CD300LG: variants seen among roughly 807,000 people sequenced by gnomAD.
The protein encoded by CD300LG is CD300 molecule like family member g.
A neutral mutation model predicts 31.5 loss-of-function variants in CD300LG; 29 were observed. The observed-to-expected ratio is 0.92, with a 90% CI of 0.68 to 1.25. The LOEUF is 1.25. Among genes scored for constraint, CD300LG ranks in the 50% most tolerant of loss-of-function variants. The pLI, the probability that CD300LG is intolerant of heterozygous loss-of-function variation, is 0.00. For synonymous variants in CD300LG, 175 were observed against 177.2 expected, an observed-to-expected ratio of 0.99 and a Z score of 0.10; for missense variants, 396 against 417.6, an observed-to-expected ratio of 0.95 and a Z score of 0.45.
intron 6 of CD300LG, 53 bp from the exon 7 acceptor site, chr17:43,861,745 T>G: frequency 3.1e-6 from 4 of 1,271,998 alleles, no homozygotes; most frequent in Non-Finnish European, 4.3e-6. Context: ...CCCTCACACC[T>G]CCCACCCCTT....
chr17:43,851,506 G>A (rs760287891), intron 2 of CD300LG, among the ~76,000 whole-genome samples: 10 of 152,172 alleles, frequency 6.6e-5, no homozygotes, highest in Non-Finnish European at 8.8e-5. Flanking sequence ...GAAAGAGGGA[G>A]AGTCCAGGAT....
At chr17:43,851,126 T>A (rs1399237813) in intron 2 of CD300LG, among the ~76,000 whole-genome samples, 1 of 102,710 alleles carries the variant, frequency 9.7e-6, no homozygotes, top group Non-Finnish European at 1.7e-5. Context: ...AGAGCCAGAC[T>A]CAGTCTCAAA....
At chr17:43,851,484 G>A (rs899838289) in intron 2 of CD300LG, among the ~76,000 whole-genome samples, 9 of 152,106 alleles carry the variant, frequency 5.9e-5, no homozygotes, top group African/African-American at 2.2e-4. Flanking sequence ...CTGTAGAAGA[G>A]AAAGTGGTGG....
chr17:43,852,051 C>T (rs1447815296), intron 2 of CD300LG, among the ~76,000 whole-genome samples: 4 of 152,026 alleles, frequency 2.6e-5, no homozygotes, highest in South Asian at 2.1e-4. Flanking sequence ...GGAAAGGCAT[C>T]GCACACAGAG....
chr17:43,858,223 G>A, intron 6 of CD300LG: 1 of 1,094,316 alleles, frequency 9.1e-7, no homozygotes. Context: ...GGAAGCAGCT[G>A]TTGTTGTCTC....
At position 43,855,337 on chromosome 17, in the gene CD300LG, G is replaced by T. The variant is rs759986525; in HGVS notation, c.832+18G>T. On this transcript the variant is annotated intron_variant, in intron 5 of 6. Coordinates refer to ENST00000317310, the MANE Select transcript of CD300LG (RefSeq NM_145273.4). ...AAAGGAAGGTGAGCAAAGGTGGGCG[G>T]CAGGAAGGCGGGAGGCTCACTGGGC... 37 of 1,480,232 alleles carry T rather than the reference G, an allele frequency of 2.5e-5. No individual in the cohort carries two copies. Among genetic ancestry groups the T allele is most frequent in the Non-Finnish European group, 1.9e-5 (21 of 1,107,840 alleles). 91.7% of individuals were successfully genotyped at this position (1,480,232 alleles called of 1,614,324 possible).
At chr17:43,858,118 T>C in intron 6 of CD300LG, 1 of 1,338,782 alleles carries the variant, frequency 7.5e-7, no homozygotes, top group South Asian at 1.6e-5. Context: ...GAGCTACCAT[T>C]GCCTTCTTTC....
At position 43,855,329 on chromosome 17, in the gene CD300LG, G is replaced by A. The variant is rs761421445; in HGVS notation, c.832+10G>A. The A allele has an allele frequency of 6.6e-7, 1 of 1,523,054 alleles. No homozygotes were observed. The highest frequency in any genetic ancestry group is 8.8e-7 in the Non-Finnish European group (1 of 1,134,582). The allele number at this position is 1,523,054 out of a possible 1,614,324, so 94.3% of individuals were successfully genotyped here. A position where few individuals can be genotyped will look rare whatever the true frequency, so the allele number is the denominator to read the frequency against. On this transcript the variant is annotated intron_variant, in intron 5 of 6. Transcript: ENST00000317310. ...CTGTGGAGAAAGGAAGGTGAGCAAA[G>A]GTGGGCGGCAGGAAGGCGGGAGGCT...
intron 2 of CD300LG, among the ~76,000 whole-genome samples, chr17:43,851,239 A>G (rs2046345932): frequency 6.6e-6 from 1 of 152,110 alleles, no homozygotes; most frequent in South Asian, 2.1e-4. Flanking sequence ...AGAAAAATCC[A>G]AGAATAAACT....
At chr17:43,848,955 T>G (rs1598388021) in intron 2 of CD300LG, 62 bp downstream of exon 2, 18 of 1,358,952 alleles carry the variant, frequency 1.3e-5, no homozygotes, top group South Asian at 2.5e-5. Flanking sequence ...GAGGGAGGGG[T>G]GGTGGGGCAT....
In CD300LG at chr17:43,853,845, C is replaced by G; in HGVS notation, c.520C>G (p.Gln174Glu). The change falls in exon 4 of 7, where the codon CAG becomes GAG. Residue 174 changes from glutamine to glutamate, a missense_variant. Gln to Glu is a conservative substitution (Grantham distance 29). Transcript: ENST00000317310. Reference protein sequence around the residue: ...GLYPAATTAKQGKTGAEAPPL... With the variant: ...GLYPAATTAKEGKTGAEAPPL... ...CTACCCGGCAGCCACCACAGCCAAG[C>G]AGGGGAAGACAGGGGCTGAGGCCCC... 10 of 1,614,096 alleles carry G rather than the reference C, an allele frequency of 6.2e-6. No homozygotes were observed. Among genetic ancestry groups the G allele is most frequent in the Non-Finnish European group, 8.5e-6 (10 of 1,179,982 alleles).
intron 2 of CD300LG, among the ~76,000 whole-genome samples, chr17:43,852,345 G>A (rs867372347): frequency 1.3e-5 from 2 of 152,024 alleles, no homozygotes; most frequent in Admixed American, 1.3e-4. Context: ...CTCCCAAGTA[G>A]CTGGGATTAC....
intron 6 of CD300LG, among the ~76,000 whole-genome samples, chr17:43,859,291 C>G (rs548088183): frequency 6.6e-6 from 1 of 152,342 alleles, no homozygotes; most frequent in East Asian, 1.9e-4. Context: ...GAACTCAGCC[C>G]TGGCTTCCCA....
At chr17:43,855,407 A>G (rs1352074140) in intron 5 of CD300LG, 88 bp downstream of exon 5, 1 of 741,894 alleles carries the variant, frequency 1.3e-6, no homozygotes, top group Non-Finnish European at 2.0e-6. Flanking sequence ...AGCCCTGGAA[A>G]GACCCTGTGG....
chr17:43,855,285 C>T lies in CD300LG; in HGVS notation c.798C>T (p.Ala266=). ...LSLLSAAGLI[A]FCSHLLLWRK... is the part of the protein sequence containing the mutation. Reference sequence around the variant, plus strand: ...TTCTGTCAGCCGCAGGCCTGATCGCCTTCTGCAGCCACCTGCTCCTGTGGA... The same window carrying T: ...TTCTGTCAGCCGCAGGCCTGATCGCTTTCTGCAGCCACCTGCTCCTGTGGA... Residue 266 remains alanine (A), a synonymous_variant, in exon 5 of 7, where the codon GCC becomes GCT. Transcript: ENST00000317310. 1 of 1,602,824 alleles carries T rather than the reference C, an allele frequency of 6.2e-7. No individual in the cohort carries two copies. The highest frequency in any genetic ancestry group is 8.5e-7 in the Non-Finnish European group (1 of 1,176,116).
At chr17:43,858,230 T>G in intron 6 of CD300LG, 1 of 1,084,092 alleles carries the variant, frequency 9.2e-7, no homozygotes, top group East Asian at 6.9e-5. Flanking sequence ...GCTGTTGTTG[T>G]CTCAGGAAGC....
At chr17:43,859,071 G>A in intron 6 of CD300LG, among the ~76,000 whole-genome samples, 1 of 152,196 alleles carries the variant, frequency 6.6e-6, no homozygotes, top group East Asian at 1.9e-4. Context: ...GACCCAGCCT[G>A]AAAGAGGCAG....
At position 43,853,097 on chromosome 17, in the gene CD300LG, A is replaced by G. The variant is rs796485929; in HGVS notation, c.481+84A>G. 5.5e-5 allele frequency: 65 copies of G among 1,183,490 alleles called. No homozygotes were observed. In the African/African-American group the frequency reaches 7.3e-4, roughly 13 times the overall value. The allele number at this position is 1,183,490 out of a possible 1,614,324, so 73.3% of individuals were successfully genotyped here. A position where few individuals can be genotyped will look rare whatever the true frequency, so the allele number is the denominator to read the frequency against. On this transcript the variant is annotated intron_variant, in intron 3 of 6. Coordinates refer to ENST00000317310, the MANE Select transcript of CD300LG (RefSeq NM_145273.4). ...GAGTGCCTGCCTGGTACCAGACACA[A>G]TAGTTTATGGCCACCTAGGTGTCCC... is the stretch of plus-strand genomic sequence containing the variant.
Position 43,848,887 on chromosome 17 carries a change from T to C in CD300LG, c.373T>C (p.Phe125Leu). Residue 125 changes from phenylalanine to leucine, a missense_variant, in exon 2 of 7, where the codon TTT becomes CTT. Coordinates refer to ENST00000317310, the MANE Select transcript of CD300LG (RefSeq NM_145273.4). Reference protein sequence around the residue: ...DESLLISLFVFPGPCCPPSPS... With the variant: ...DESLLISLFVLPGPCCPPSPS... ...GTCTTTACTGATCTCTCTGTTCGTC[T>C]TTCCAGGTAACAGATATCTCTCCTT... is the stretch of plus-strand genomic sequence containing the variant. 2.5e-6 allele frequency: 4 copies of C among 1,606,710 alleles called. No individual in the cohort carries two copies. Among genetic ancestry groups the C allele is most frequent in the Non-Finnish European group, 3.4e-6 (4 of 1,173,808 alleles).
Sources: gnomAD v4.1 joint callset for allele counts (sites outside exome capture counted in the v4.1 genomes callset) on GRCh38, gnomAD v4.1.1 for gene constraint, MANE v1.5 for transcripts, NCBI Gene and HGNC (gene_info 2026-07-23, HGNC 2026-07-21) for gene names.